ALG12: variants seen among roughly 807,000 people sequenced by gnomAD.
ALG12 encodes the protein ALG12 alpha-1,6-mannosyltransferase, also known as dol-P-Man:Man(7)GlcNAc(2)-PP-Dol alpha-1,6-mannosyltransferase.
A neutral mutation model predicts 46.0 loss-of-function variants in ALG12; 36 were observed. The observed-to-expected ratio is 0.78, with a 90% CI of 0.60 to 1.03. ALG12 has a LOEUF of 1.03. ALG12 is among the 50% of genes least tolerant of loss of function. The probability of loss-of-function intolerance (pLI) is 0.00; values close to 1 mark genes in which losing one functional copy is unlikely to be tolerated. For synonymous variants in ALG12, 326 were observed against 291.6 expected, an observed-to-expected ratio of 1.12 and a Z score of -1.20; for missense variants, 599 against 633.5, an observed-to-expected ratio of 0.95 and a Z score of 0.58.
chr22:49,916,103 C>CA (rs998993517), intron 1 of ALG12, among the ~76,000 whole-genome samples: 6 of 151,246 alleles, frequency 4.0e-5, no homozygotes, highest in African/African-American at 9.7e-5. Flanking sequence ...ACTAAAAATA[C>CA]AAAAAAATTA....
intron 3 of ALG12, among the ~76,000 whole-genome samples, chr22:49,911,017 A>T (rs556622701): frequency 6.6e-6 from 1 of 152,294 alleles, no homozygotes; most frequent in East Asian, 1.9e-4. Flanking sequence ...GCAGGAACAC[A>T]GGCTCCCAGG....
chr22:49,891,320 G>GC, the ALG12 span, among the ~76,000 whole-genome samples: 1 of 152,192 alleles, frequency 6.6e-6, no homozygotes, highest in Non-Finnish European at 1.5e-5. Context: ...GCTGATCTGG[G>GC]CACAACGGTT....
rs1253140483 is a variant in ALG12, at chr22:49,901,097, C to A, written c.*2741G>T. 6.6e-6 allele frequency: 1 copy of A among 152,258 alleles called. No homozygotes were observed. The highest frequency in any genetic ancestry group is 1.9e-4 in the East Asian group (1 of 5,200). 9.4% of individuals were successfully genotyped at this position (152,258 alleles called of 1,614,324 possible). On this transcript the variant is annotated 3_prime_UTR_variant, in exon 10 of 10. Transcript: ENST00000330817. ...CAGCAAATCTCGTACACTTTGAACA[C>A]CAGGATAATTAAAGACAGGAGTGAC...
At chr22:49,895,233 G>GGTAA (rs1484880969), downstream of ALG12, among the ~76,000 whole-genome samples, 1 of 152,146 alleles carries the variant, frequency 6.6e-6, no homozygotes, top group Non-Finnish European at 1.5e-5. Flanking sequence ...CATTTGCAGG[G>GGTAA]GTAAGTCTTC....
At chr22:49,865,411 G>A in the ALG12 span, among the ~76,000 whole-genome samples, 1 of 152,072 alleles carries the variant, frequency 6.6e-6, no homozygotes, top group Non-Finnish European at 1.5e-5. Flanking sequence ...GCACTTCGGG[G>A]GCTAAGGCGG....
chr22:49,915,884 A>G (rs1457837611), intron 1 of ALG12, among the ~76,000 whole-genome samples: 1 of 152,206 alleles, frequency 6.6e-6, no homozygotes, highest in African/African-American at 2.4e-5. Flanking sequence ...GCCGCACAGT[A>G]GGCACTCAAC....
the ALG12 span, among the ~76,000 whole-genome samples, chr22:49,892,618 C>T: frequency 3.8e-4 from 58 of 152,290 alleles, no homozygotes; most frequent in Middle Eastern, 3.4e-3. Flanking sequence ...GACTTCAGTG[C>T]CTGCCATTGA....
At chr22:49,868,888 G>T in the ALG12 span, among the ~76,000 whole-genome samples, 1 of 151,098 alleles carries the variant, frequency 6.6e-6, no homozygotes, top group Non-Finnish European at 1.5e-5. Flanking sequence ...AAGGCAGGCG[G>T]ATCACCTGAG....
At chr22:49,886,393 G>A in the ALG12 span, 7 of 1,608,622 alleles carry the variant, frequency 4.4e-6, no homozygotes, top group East Asian at 2.2e-5. This position sits in a 1 kb window ranked among gnomAD's most constrained non-coding sequence, Gnocchi z 7.7. Flanking sequence ...GGCCATTAAC[G>A]AGATGTCCGT....
chr22:49,880,667 G>GT, the ALG12 span, among the ~76,000 whole-genome samples: 1 of 152,246 alleles, frequency 6.6e-6, no homozygotes, highest in Non-Finnish European at 1.5e-5. Flanking sequence ...GGAAGTGACT[G>GT]TGAGTCCAGC....
downstream of ALG12, among the ~76,000 whole-genome samples, chr22:49,895,360 T>C (rs1445823400): frequency 6.6e-6 from 1 of 152,116 alleles, no homozygotes; most frequent in Non-Finnish European, 1.5e-5. Flanking sequence ...TCTGCTTCAT[T>C]TTAAAAGTGG....
chr22:49,874,235 C>G, the ALG12 span, among the ~76,000 whole-genome samples: 1 of 152,184 alleles, frequency 6.6e-6, no homozygotes, highest in Non-Finnish European at 1.5e-5. Flanking sequence ...CACTGTTTCC[C>G]GGATGCGTCT....
chr22:49,913,096 G>T (rs370522985), intron 3 of ALG12, among the ~76,000 whole-genome samples: 3 of 152,182 alleles, frequency 2.0e-5, no homozygotes, highest in Non-Finnish European at 4.4e-5. Flanking sequence ...CAGGTGAGGC[G>T]GGAGCAGCAG....
chr22:49,884,730 C>T, the ALG12 span: 1 of 1,593,686 alleles, frequency 6.3e-7, no homozygotes, highest in Non-Finnish European at 8.6e-7. Context: ...CCACCCCTCC[C>T]ACTCTGCTGC....
At chr22:49,908,951 CAAAAAAAAA>C (rs35816147) in intron 6 of ALG12, among the ~76,000 whole-genome samples, 1 of 80,510 alleles carries the variant, frequency 1.2e-5, no homozygotes, top group African/African-American at 4.3e-5. Context: ...GACTCAGTCT[CAAAAAAAAA>C]AAAAAAAAAG....
At chr22:49,882,759 G>A in the ALG12 span, among the ~76,000 whole-genome samples, 1 of 152,196 alleles carries the variant, frequency 6.6e-6, no homozygotes, top group African/African-American at 2.4e-5. Context: ...AGCATCACTT[G>A]GGGACGGGGC....
At chr22:49,863,253 G>A in the ALG12 span, among the ~76,000 whole-genome samples, 3 of 152,064 alleles carry the variant, frequency 2.0e-5, no homozygotes, top group Non-Finnish European at 2.9e-5. Context: ...TGGTGCTCCC[G>A]GGCTCAAGTG....
intron 1 of ALG12, among the ~76,000 whole-genome samples, chr22:49,917,625 G>A (rs1366535209): frequency 1.3e-5 from 2 of 151,918 alleles, no homozygotes; most frequent in African/African-American, 2.4e-5. Flanking sequence ...CTGAGATCGC[G>A]CCACTGCACT....
the ALG12 span, chr22:49,888,492 A>G: frequency 6.0e-6 from 1 of 167,258 alleles, no homozygotes; most frequent in Non-Finnish European, 1.5e-5. Flanking sequence ...GAAAACAGGC[A>G]TATTCTTTGT....
Sources: gnomAD v4.1 joint callset for allele counts (sites outside exome capture counted in the v4.1 genomes callset) on GRCh38, gnomAD v4.1.1 for gene constraint, Gnocchi (gnomAD v3.1) non-coding constraint, MANE v1.5 for transcripts, NCBI Gene and HGNC (gene_info 2026-07-23, HGNC 2026-07-21) for gene names.